The following GABARAPL2 variants were observed in gnomAD, a reference collection of about 807,000 sequenced individuals.
The protein encoded by GABARAPL2 is GABA type A receptor associated protein like 2, also known as gamma-aminobutyric acid receptor-associated protein-like 2.
A neutral mutation model predicts 16.9 loss-of-function variants in GABARAPL2; 11 were observed. That is an observed-to-expected ratio of 0.65 (90% CI 0.41 to 1.08). GABARAPL2 has a LOEUF of 1.08. GABARAPL2 is among the 50% of genes least tolerant of loss of function. GABARAPL2 has a pLI of 0.00. For synonymous variants in GABARAPL2, 57 were observed against 50.7 expected, an observed-to-expected ratio of 1.12 and a Z score of -0.53; for missense variants, 134 against 142.5, an observed-to-expected ratio of 0.94 and a Z score of 0.30.
In GABARAPL2 at chr16:75,566,921, C is replaced by A; in HGVS notation, c.90+14C>A. 1 of 1,604,190 alleles carries A rather than the reference C, an allele frequency of 6.2e-7. No homozygotes were observed. Among genetic ancestry groups the A allele is most frequent in the Non-Finnish European group, 8.5e-7 (1 of 1,171,314 alleles). On this transcript the variant is annotated intron_variant, in intron 2 of 3. Transcript: ENST00000037243. ...GACAGGGTTCCGGTGAGTGGACTCT[C>A]CGCCCCCTCACCTCGCTGTCACCTC...
intron 3 of GABARAPL2, chr16:75,575,956 C>T (rs1597061538): frequency 1.3e-5 from 2 of 152,190 alleles, no homozygotes; most frequent in Non-Finnish European, 2.9e-5. Context: ...CACTGCACAT[C>T]CCAATTCACA....
chr16:75,572,429 A>C (rs1315096893), intron 3 of GABARAPL2: 1 of 152,360 alleles, frequency 6.6e-6, no homozygotes, highest in African/African-American at 2.4e-5. Context: ...TAGACCCCAC[A>C]GCCTCCATGA....
chr16:75,569,305 G>A (rs1454945046), intron 3 of GABARAPL2, among the ~76,000 whole-genome samples: 1 of 152,140 alleles, frequency 6.6e-6, no homozygotes, highest in Admixed American at 6.5e-5. Context: ...CTTCCCTAAG[G>A]CCAGTATTCA....
At chr16:75,575,579 A>C (rs557577633) in intron 3 of GABARAPL2, 1 of 152,434 alleles carries the variant, frequency 6.6e-6, no homozygotes, top group East Asian at 1.9e-4. Context: ...CCTCCTGAAT[A>C]GCTGGGACCA....
intron 2 of GABARAPL2, among the ~76,000 whole-genome samples, chr16:75,567,274 G>A (rs115850010): frequency 1.4e-3 from 211 of 152,248 alleles, no homozygotes; most frequent in African/African-American, 4.8e-3. Context: ...GTCTCAGGAC[G>A]TTCATCTTTT....
Position 75,566,433 on chromosome 16 carries a change from T to C in GABARAPL2, c.-54T>C. 2 of 1,355,872 alleles carry C rather than the reference T, an allele frequency of 1.5e-6. No homozygotes were observed. The highest frequency in any genetic ancestry group is 2.1e-6 in the Non-Finnish European group (2 of 959,466). 84.0% of individuals were successfully genotyped at this position (1,355,872 alleles called of 1,614,324 possible). ...CCGCCGTCGTTGTTGTTGTGCTCGG[T>C]GCGCTGAGCTCCGCGGCTCCGCGAG... is the stretch of plus-strand genomic sequence containing the variant. On this transcript the variant is annotated 5_prime_UTR_variant, in exon 1 of 4. Transcript: ENST00000037243.
rs1215282589 is a variant in GABARAPL2, at chr16:75,568,287, G to T, written c.263+78G>T. The T allele has an allele frequency of 3.9e-6, 4 of 1,027,264 alleles. No homozygotes were observed. The East Asian group carries it at 9.7e-5, about 25-fold the overall frequency. 63.6% of individuals were successfully genotyped at this position (1,027,264 alleles called of 1,614,324 possible). A position where few individuals can be genotyped will look rare whatever the true frequency, so the allele number is the denominator to read the frequency against. On this transcript the variant is annotated intron_variant, in intron 3 of 3. Coordinates refer to ENST00000037243, the MANE Select transcript of GABARAPL2 (RefSeq NM_007285.7). ...CTTACGGAACTCCAAAACTTTGGAA[G>T]TCTGAAAACTCTTAGGGGTCCTGAC...
intron 3 of GABARAPL2, 36 bp from the exon 4 acceptor site, chr16:75,577,243 C>T (rs780473954): frequency 1.0e-5 from 14 of 1,369,278 alleles, no homozygotes; most frequent in South Asian, 9.3e-5. Context: ...ACCTGGACTC[C>T]AATTTTCAAT....
intron 3 of GABARAPL2, among the ~76,000 whole-genome samples, chr16:75,575,407 G>A (rs931362743): frequency 1.3e-5 from 2 of 151,118 alleles, no homozygotes; most frequent in South Asian, 2.1e-4. Context: ...GCGATTCTCC[G>A]GCCTCAGCTT....
chr16:75,569,935 C>T (rs2080905360), intron 3 of GABARAPL2, among the ~76,000 whole-genome samples: 1 of 152,166 alleles, frequency 6.6e-6, no homozygotes, highest in Non-Finnish European at 1.5e-5. Flanking sequence ...TAACTCAAGT[C>T]AGGATTTTAG....
intron 3 of GABARAPL2, among the ~76,000 whole-genome samples, chr16:75,574,958 G>C (rs2080939206): frequency 6.6e-6 from 1 of 152,074 alleles, no homozygotes; most frequent in Non-Finnish European, 1.5e-5. Flanking sequence ...GTTTGAACCG[G>C]AAGGTGGAGG....
In GABARAPL2 at chr16:75,577,420, A is replaced by G; in HGVS notation, c.*51A>G. The G allele has an allele frequency of 9.4e-7, 1 of 1,062,162 alleles. No individual in the cohort carries two copies. The allele number at this position is 1,062,162 out of a possible 1,614,324, so 65.8% of individuals were successfully genotyped here. On this transcript the variant is annotated 3_prime_UTR_variant, in exon 4 of 4. Transcript: ENST00000037243. ...GTAACTGCTTGTGTATCTTGTAAATAGCCAGCCATTTTCAGTTATTATACC... is the reference window on the plus strand; with the variant it reads ...GTAACTGCTTGTGTATCTTGTAAATGGCCAGCCATTTTCAGTTATTATACC...
At chr16:75,574,168 G>C (rs971553755) in intron 3 of GABARAPL2, among the ~76,000 whole-genome samples, 1 of 152,206 alleles carries the variant, frequency 6.6e-6, no homozygotes, top group African/African-American at 2.4e-5. Context: ...AACAGTAGCG[G>C]TCCAGTGGTT....
intron 3 of GABARAPL2, chr16:75,576,628 A>G (rs2080951304): frequency 6.6e-6 from 1 of 152,284 alleles, no homozygotes; most frequent in African/African-American, 2.4e-5. Context: ...GAGCTGGTCC[A>G]ACTCAGTTTC....
At chr16:75,572,890 G>C (rs564592444) in intron 3 of GABARAPL2, among the ~76,000 whole-genome samples, 1 of 152,204 alleles carries the variant, frequency 6.6e-6, no homozygotes, top group Non-Finnish European at 1.5e-5. Flanking sequence ...GTGTGCATTC[G>C]TGTTAGGGAC....
chr16:75,570,354 G>A (rs2080907973), intron 3 of GABARAPL2, among the ~76,000 whole-genome samples: 1 of 152,188 alleles, frequency 6.6e-6, no homozygotes, highest in Non-Finnish European at 1.5e-5. Flanking sequence ...CATAAAAAGT[G>A]CTACAGGGTC....
At chr16:75,569,543 C>A (rs1214133080) in intron 3 of GABARAPL2, among the ~76,000 whole-genome samples, 1 of 152,224 alleles carries the variant, frequency 6.6e-6, no homozygotes, top group African/African-American at 2.4e-5. Context: ...TCTTTCATAA[C>A]ATCTGCAACT....
chr16:75,569,738 A>G (rs1413169319), intron 3 of GABARAPL2, among the ~76,000 whole-genome samples: 2 of 152,198 alleles, frequency 1.3e-5, no homozygotes, highest in East Asian at 1.9e-4. Context: ...CTCCACAGTA[A>G]TCTAGCAATT....
At chr16:75,566,656 C>A in intron 1 of GABARAPL2, 136 bp downstream of exon 1, 1 of 1,056,074 alleles carries the variant, frequency 9.5e-7, no homozygotes, top group Non-Finnish European at 1.4e-6. Flanking sequence ...TGCCCTGGTG[C>A]CTCGGGCAGC....
Sources: allele counts gnomAD v4.1 joint callset (sites outside exome capture counted in the v4.1 genomes callset), GRCh38; gene constraint gnomAD v4.1.1; transcripts MANE v1.5; gene names NCBI Gene and HGNC (gene_info 2026-07-23, HGNC 2026-07-21).